The following AGBL5 variants were observed in gnomAD, a reference collection of about 807,000 sequenced individuals.
AGBL5 encodes cytosolic carboxypeptidase-like protein 5.
AGBL5 carries 51 observed loss-of-function variants against 88.0 expected under a neutral mutation model. The ratio of observed to expected loss-of-function variants is 0.58; its 90% confidence interval spans 0.46 to 0.73. The LOEUF is 0.73. AGBL5 is among the 30% of genes least tolerant of loss of function. The pLI, the probability that AGBL5 is intolerant of heterozygous loss-of-function variation, is 0.00. For missense variants in AGBL5, 1,031 were observed against 1,162.2 expected, an observed-to-expected ratio of 0.89 and a Z score of 1.64; for synonymous variants, 446 against 438.8, an observed-to-expected ratio of 1.02 and a Z score of -0.21.
chr2:27,050,754 C>T (rs1668041505), upstream of AGBL5, among the ~76,000 whole-genome samples: 1 of 152,132 alleles, frequency 6.6e-6, no homozygotes, highest in Non-Finnish European at 1.5e-5. Flanking sequence ...CATTAGAGGG[C>T]TATCAGCAGC....
In AGBL5 at chr2:27,058,480, C is replaced by T; in HGVS notation, c.1752C>T (p.Ser584=). ...PWPRIVLSEH[S]SLTNLRAWML... is the part of the protein sequence containing the mutation. The stretch of plus-strand genomic sequence containing the variant: ...CCCGAATTGTACTGTCAGAGCACAG[C>T]AGCCTTACTAATCTACGGGCCTGGA... Residue 584 remains serine (S), a synonymous_variant, in exon 10 of 15, where the codon AGC becomes AGT. Transcript: ENST00000360131. 1 of 1,614,170 alleles carries T rather than the reference C, an allele frequency of 6.2e-7. No individual in the cohort carries two copies. Among genetic ancestry groups the T allele is most frequent in the Non-Finnish European group, 8.5e-7 (1 of 1,180,046 alleles).
At position 27,053,106 on chromosome 2, in the gene AGBL5, C is replaced by T. The variant is rs1323902728; in HGVS notation, c.148C>T (p.Pro50Ser). ...CCTGACCAGTGGCATTGCCTCTTCC[C>T]CTGACTATGAATTCAACGTGTGGAC... Reference protein sequence around the residue: ...SALTSGIASSPDYEFNVWTRP... With the variant: ...SALTSGIASSSDYEFNVWTRP... Residue 50 changes from proline (P) to serine (S), a missense_variant, in exon 2 of 15, where the codon CCT becomes TCT. Pro to Ser is a moderately conservative substitution (Grantham distance 74). Transcript: ENST00000360131. The surrounding 1 kb of genome is among the most constrained non-coding windows in gnomAD (Gnocchi z 4.9). 6.2e-7 allele frequency: 1 copy of T among 1,612,940 alleles called. No individual in the cohort carries two copies. The highest frequency in any genetic ancestry group is 1.7e-5 in the Admixed American group (1 of 59,892).
chr2:27,055,401 C>A, intron 6 of AGBL5, 148 bp downstream of exon 6: 2 of 1,148,348 alleles, frequency 1.7e-6, no homozygotes, highest in Non-Finnish European at 2.5e-6. Flanking sequence ...CCTGAGAAAG[C>A]ATGAGATCAT....
chr2:27,057,223 T>C (rs1668479269), intron 8 of AGBL5, 80 bp from the exon 9 acceptor site: 1 of 1,479,254 alleles, frequency 6.8e-7, no homozygotes, highest in Non-Finnish European at 9.1e-7. Context: ...ATTGCCTCCT[T>C]TGACCACCTA....
upstream of AGBL5, among the ~76,000 whole-genome samples, chr2:27,050,499 G>T (rs1013004917): frequency 3.9e-5 from 6 of 152,286 alleles, no homozygotes; most frequent in Non-Finnish European, 8.8e-5. Flanking sequence ...GCGGCGGCGG[G>T]CTCGGCGTTC....
At chr2:27,051,521 T>C (rs1401593576), upstream of AGBL5, 9 of 152,268 alleles carry the variant, frequency 5.9e-5, no homozygotes, top group East Asian at 9.6e-4. Flanking sequence ...CGGCCGCTCC[T>C]GCCCGCCATC....
rs772668939 is a variant in AGBL5 at position 27,069,671 on chromosome 2, T to G, written c.2454T>G (p.Ser818Arg). Residue 818 changes from serine (S) to arginine (R), a missense_variant, in exon 14 of 15, where the codon AGT becomes AGG. Transcript: ENST00000360131. ...TSPTPRTRES[S>R]ELELGSCSAT... ...CTACCCCCCGGACCAGGGAGAGCAGTGAGCTGGAGCTGGGATCCTGCTCTG... is the reference window on the plus strand; with the variant it reads ...CTACCCCCCGGACCAGGGAGAGCAGGGAGCTGGAGCTGGGATCCTGCTCTG... The G allele has an allele frequency of 3.1e-6, 5 of 1,613,992 alleles. No homozygotes were observed. In the African/African-American group the frequency reaches 6.7e-5, roughly 22 times the overall value.
In AGBL5 at chr2:27,056,537, G is replaced by C. The variant is rs140360345; in HGVS notation, c.1366-86G>C. On this transcript the variant is annotated intron_variant, in intron 7 of 14. Transcript: ENST00000360131. ...TGTGATGGTATCTGCTGTGTATTAA[G>C]TCACATGGTCACATACTTGCTATCT... The C allele has an allele frequency of 2.2e-4, 274 of 1,235,778 alleles. No individual in the cohort carries two copies. In the African/African-American group the frequency reaches 3.4e-3, roughly 16 times the overall value. 76.6% of individuals were successfully genotyped at this position (1,235,778 alleles called of 1,614,324 possible). A position where few individuals can be genotyped will look rare whatever the true frequency, so the allele number is the denominator to read the frequency against.
At chr2:27,065,956 G>T (rs1177565976) in intron 11 of AGBL5, among the ~76,000 whole-genome samples, 1 of 152,250 alleles carries the variant, frequency 6.6e-6, no homozygotes. Flanking sequence ...CAAAAGTTTA[G>T]ACTTCATCCT....
rs776275575 is a variant in AGBL5, at chr2:27,057,389, C to A, written c.1622C>A (p.Pro541His). Residue 541 changes from proline to histidine, a missense_variant, in exon 9 of 15, where the codon CCT becomes CAT. By Grantham distance (77) the Pro-to-His change is moderately conservative. Transcript: ENST00000360131. ...ACHDNGRASP[P>H]PPPAFPSRYT... is the part of the protein sequence containing the mutation. ...CATGACAATGGGCGTGCCAGCCCCC[C>A]TCCCCCGCCGGCTTTCCCCTCCAGA... The A allele has an allele frequency of 1.9e-6, 3 of 1,614,034 alleles. No homozygotes were observed. Among genetic ancestry groups the A allele is most frequent in the Admixed American group, 3.3e-5 (2 of 59,990 alleles).
In AGBL5 at chr2:27,059,304, T is replaced by C. The variant is rs769281606; in HGVS notation, c.1989T>C (p.Asn663=). The change falls in exon 11 of 15, where the codon AAT becomes AAC. Residue 663 remains asparagine (N), a synonymous_variant. Coordinates refer to ENST00000360131, the MANE Select transcript of AGBL5 (RefSeq NM_021831.6). ...AACAAAATTCTCCACAGATGAAGAATTCCCCCAGCTTTCCTTTTCATGGCA... is the reference window on the plus strand; with the variant it reads ...AACAAAATTCTCCACAGATGAAGAACTCCCCCAGCTTTCCTTTTCATGGCA... ...SSQQNSPQMK[N]SPSFPFHGSR... The C allele has an allele frequency of 5.6e-6, 9 of 1,614,236 alleles. No homozygotes were observed. The highest frequency in any genetic ancestry group is 2.7e-5 in the African/African-American group (2 of 75,072).
chr2:27,060,683 A>G (rs1344602645), intron 11 of AGBL5, among the ~76,000 whole-genome samples: 8 of 152,192 alleles, frequency 5.3e-5, no homozygotes, highest in Non-Finnish European at 4.4e-5. Flanking sequence ...GGAGAGGGCA[A>G]TGGTCCTTAC....
chr2:27,055,528 A>G (rs762518592), intron 6 of AGBL5, 154 bp from the exon 7 acceptor site: 3 of 846,896 alleles, frequency 3.5e-6, no homozygotes, highest in East Asian at 2.7e-5. Context: ...CAGCAGATCA[A>G]AGAGAGGCCC....
rs748226286 is a variant in AGBL5 at position 27,054,630 on chromosome 2, C to T, written c.552C>T (p.Ser184=). 3.7e-6 allele frequency: 6 copies of T among 1,609,994 alleles called. No individual in the cohort carries two copies. Among genetic ancestry groups the T allele is most frequent in the Admixed American group, 3.4e-5 (2 of 59,160 alleles). The part of the protein sequence containing the change: ...RFPENHPTHS[S]PLDTIYYHRE... ...TGGCTTAATTTTTTTTTCCCTGTAG[C>T]CCCCTGGATACCATCTATTACCATC... is the stretch of plus-strand genomic sequence containing the variant. The change falls in exon 5 of 15, where the codon AGC becomes AGT. Residue 184 remains serine (S), a splice_region_variant and synonymous_variant. Transcript: ENST00000360131.
intron 13 of AGBL5, 90 bp downstream of exon 13, chr2:27,068,834 C>T: frequency 1.3e-6 from 2 of 1,554,668 alleles, no homozygotes; most frequent in Non-Finnish European, 1.7e-6. Context: ...ATGCTCAGCA[C>T]TGCTTTACTG....
chr2:27,054,380 C>G (rs567974253), intron 4 of AGBL5: 6 of 555,582 alleles, frequency 1.1e-5, no homozygotes, highest in Non-Finnish European at 1.9e-5. Context: ...AGAACAACTC[C>G]GACTACATTA....
rs767822086 is a variant in AGBL5 at position 27,067,553 on chromosome 2, A to G, written c.2149A>G (p.Ser717Gly). 42 of 1,614,128 alleles carry G rather than the reference A, an allele frequency of 2.6e-5. No individual in the cohort carries two copies. The Admixed American group carries it at 7.0e-4, about 27-fold the overall frequency. ...QQPLNHRPAG[S>G]LAPSPAPTSS... is the part of the protein sequence containing the mutation. The stretch of plus-strand genomic sequence containing the variant: ...GCCCCTGAACCATCGTCCTGCAGGC[A>G]GCCTCGCTCCATCCCCAGCTCCTAC... Residue 717 changes from serine to glycine, a missense_variant, in exon 12 of 15, where the codon AGC (serine) becomes GGC (glycine). Transcript: ENST00000360131.
At position 27,053,952 on chromosome 2, in the gene AGBL5, G is replaced by A. The variant is rs1367298153; in HGVS notation, c.444G>A (p.Gly148=). Residue 148 remains glycine, a synonymous_variant, in exon 4 of 15, where the codon GGG becomes GGA. Transcript: ENST00000360131. This position sits in a 1 kb window ranked among gnomAD's most constrained non-coding sequence, Gnocchi z 4.9. The part of the protein sequence containing the change: ...SFVHRFVEGR[G]ATTFFAFCYP... Reference sequence around the variant, plus strand: ...TTCATCGTTTCGTGGAGGGCCGTGGGGCCACCACCTTCTTCGCCTTCTGCT... The same window carrying A: ...TTCATCGTTTCGTGGAGGGCCGTGGAGCCACCACCTTCTTCGCCTTCTGCT... 6.2e-7 allele frequency: 1 copy of A among 1,614,124 alleles called. No individual in the cohort carries two copies. The highest frequency in any genetic ancestry group is 1.1e-5 in the South Asian group (1 of 91,078).
chr2:27,054,025 C>G lies in AGBL5; in HGVS notation c.517C>G (p.Gln173Glu). Residue 173 changes from glutamine to glutamate, a missense_variant, in exon 4 of 15, where the codon CAG (glutamine) becomes GAG (glutamate). Around this residue, in one of 2 missense-constraint regions of AGBL5, gnomAD observed 540 missense variants for 678.2 expected, o/e 0.80. Coordinates refer to ENST00000360131, the MANE Select transcript of AGBL5 (RefSeq NM_021831.6). ...DCQELLNQLD[Q>E]RFPENHPTHS... ...CCAGGAACTGCTAAACCAGCTAGAC[C>G]AGCGCTTTCCGGAGAACCACCCTAC... is the stretch of plus-strand genomic sequence containing the variant. 2 of 1,614,026 alleles carry G rather than the reference C, an allele frequency of 1.2e-6. No individual in the cohort carries two copies. The highest frequency in any genetic ancestry group is 2.2e-5 in the East Asian group (1 of 44,882).
Sources: gnomAD v4.1 joint callset for allele counts (sites outside exome capture counted in the v4.1 genomes callset) on GRCh38, gnomAD v4.1.1 for gene constraint, gnomAD v4.1.1 regional missense constraint, Gnocchi (gnomAD v3.1) non-coding constraint, MANE v1.5 for transcripts, NCBI Gene and HGNC (gene_info 2026-07-23, HGNC 2026-07-21) for gene names.